SEC24D: variants seen among roughly 807,000 people sequenced by gnomAD.
SEC24D encodes protein transport protein Sec24D.
SEC24D carries 69 observed loss-of-function variants against 116.9 expected under a neutral mutation model. That is an observed-to-expected ratio of 0.59 (90% CI 0.49 to 0.72). The LOEUF is 0.72. Ranked by LOEUF, SEC24D falls within the 30% of genes least tolerant of loss-of-function variation. SEC24D has a pLI of 0.00. For synonymous variants in SEC24D, 405 were observed against 442.8 expected, an observed-to-expected ratio of 0.91 and a Z score of 1.07; for missense variants, 1,131 against 1,264.1, an observed-to-expected ratio of 0.89 and a Z score of 1.60.
chr4:118,776,759 A>T (rs1043404975), intron 8 of SEC24D, among the ~76,000 whole-genome samples: 3 of 152,138 alleles, frequency 2.0e-5, no homozygotes, highest in African/African-American at 7.2e-5. Context: ...TCTATGGGAA[A>T]ATAATATGTT....
At chr4:118,780,907 C>CTTTTTTTTTTT (rs143712578) in intron 8 of SEC24D, among the ~76,000 whole-genome samples, 40 of 61,874 alleles carry the variant, frequency 6.5e-4, no homozygotes, top group East Asian at 2.0e-3. Context: ...GCAACCCCTG[C>CTTTTTTTTTTT]TTTTTTTTTT....
chr4:118,808,810 C>T (rs549215945), intron 6 of SEC24D, among the ~76,000 whole-genome samples: 1 of 151,926 alleles, frequency 6.6e-6, no homozygotes, highest in Admixed American at 6.5e-5. Context: ...ATTCTGGGTT[C>T]ATAAAACAGA....
chr4:118,762,636 CT>C (rs1411230427), intron 10 of SEC24D, among the ~76,000 whole-genome samples: 2 of 152,218 alleles, frequency 1.3e-5, no homozygotes, highest in African/African-American at 4.8e-5. Flanking sequence ...TTTTCATTGT[CT>C]GAATAGCTAA....
Position 118,739,141 on chromosome 4 carries a change from AGT to A in SEC24D, c.2377+6_2377+7del, listed in dbSNP as rs765302205. The A allele has an allele frequency of 1.2e-6, 2 of 1,613,098 alleles. No homozygotes were observed. Among genetic ancestry groups the A allele is most frequent in the Non-Finnish European group, 1.7e-6 (2 of 1,179,392 alleles). On this transcript the variant is annotated splice_donor_region_variant and intron_variant, in intron 18 of 22. Coordinates refer to ENST00000280551, the MANE Select transcript of SEC24D (RefSeq NM_014822.4). The stretch of plus-strand genomic sequence containing the variant: ...GTTTACTGAACCTCAGGATTGGCAA[AGT>A]GTTACCTGACTTGGCAAAGAAGTTG...
At chr4:118,731,051 G>A (rs1435144528) in intron 21 of SEC24D, 22 of 420,594 alleles carry the variant, frequency 5.2e-5, no homozygotes, top group Non-Finnish European at 8.8e-5. Flanking sequence ...AGTATTTAGA[G>A]TACAGAGACT....
rs547861946 is a variant in SEC24D at position 118,783,871 on chromosome 4, C to T, written c.1041+13812G>A. Among the ~76,000 whole-genome samples the T allele has an allele frequency of 2.6e-5, 4 of 152,288 alleles. No individual in the cohort carries two copies. The South Asian group carries it at 6.2e-4, about 24-fold the overall frequency. The stretch of plus-strand genomic sequence containing the variant: ...TTTCAGAGTGGAAAAAAATATAGGG[C>T]TCTAAAGGTCACACAGTTCAATCTG... On this transcript the variant is annotated intron_variant, in intron 8 of 22. Coordinates refer to ENST00000280551, the MANE Select transcript of SEC24D (RefSeq NM_014822.4).
chr4:118,748,904 T>C (rs1355040285), intron 13 of SEC24D, among the ~76,000 whole-genome samples: 1 of 152,162 alleles, frequency 6.6e-6, no homozygotes, highest in East Asian at 1.9e-4. Context: ...TTGTGATGCA[T>C]TCCCCTGCAA....
intron 8 of SEC24D, among the ~76,000 whole-genome samples, chr4:118,791,743 C>G (rs966289092): frequency 6.6e-6 from 1 of 152,198 alleles, no homozygotes; most frequent in East Asian, 1.9e-4. Flanking sequence ...CCGGGCTGGT[C>G]TCCAGCTCCT....
At chr4:118,789,200 A>G (rs1339492343) in intron 8 of SEC24D, among the ~76,000 whole-genome samples, 1 of 152,238 alleles carries the variant, frequency 6.6e-6, no homozygotes, top group Non-Finnish European at 1.5e-5. Context: ...TTCATCATCT[A>G]TAAAAGTGGG....
chr4:118,765,197 A>G (rs1727587578), intron 9 of SEC24D, among the ~76,000 whole-genome samples: 1 of 152,236 alleles, frequency 6.6e-6, no homozygotes, highest in Admixed American at 6.5e-5. Flanking sequence ...AAGTTGTCAC[A>G]ACCCAAATTC....
At chr4:118,737,538 T>C (rs904810241) in intron 19 of SEC24D, among the ~76,000 whole-genome samples, 1 of 152,186 alleles carries the variant, frequency 6.6e-6, no homozygotes, top group Non-Finnish European at 1.5e-5. Flanking sequence ...ATGAATGAAC[T>C]AGAAAGTTTT....
intron 6 of SEC24D, among the ~76,000 whole-genome samples, chr4:118,813,736 A>G (rs1418457809): frequency 6.6e-6 from 1 of 152,240 alleles, no homozygotes; most frequent in Non-Finnish European, 1.5e-5. Flanking sequence ...ACTTGCCAAC[A>G]TATTGATTTT....
chr4:118,743,354 TATACACACAC>T (rs1432376113), intron 15 of SEC24D, among the ~76,000 whole-genome samples: 2 of 115,780 alleles, frequency 1.7e-5, no homozygotes, highest in Middle Eastern at 4.1e-3. Flanking sequence ...TATATATATA[TATACACACAC>T]ACACACACAC....
At chr4:118,822,137 A>G (rs1278190444) in intron 3 of SEC24D, among the ~76,000 whole-genome samples, 1 of 152,246 alleles carries the variant, frequency 6.6e-6, no homozygotes, top group Non-Finnish European at 1.5e-5. Flanking sequence ...TAAGGTGTTG[A>G]GTCCATGGGC....
At chr4:118,780,931 T>C in intron 8 of SEC24D, among the ~76,000 whole-genome samples, 1 of 143,930 alleles carries the variant, frequency 6.9e-6, no homozygotes, top group Admixed American at 6.9e-5. Context: ...TTTTTTTTTT[T>C]TGCTTTCCAT....
intron 22 of SEC24D, 135 bp from the exon 23 acceptor site, chr4:118,723,790 A>G (rs565794377): frequency 2.1e-4 from 196 of 950,772 alleles, no homozygotes; most frequent in Non-Finnish European, 3.0e-4. Flanking sequence ...GGATGATGGG[A>G]AAGTGCCTGA....
At chr4:118,821,839 G>GGGTCC in intron 3 of SEC24D, among the ~76,000 whole-genome samples, 1 of 152,346 alleles carries the variant, frequency 6.6e-6, no homozygotes, top group South Asian at 2.1e-4. Flanking sequence ...GGGCAAGGCA[G>GGGTCC]CATGGTAACC....
At chr4:118,800,821 A>G (rs567063252) in intron 7 of SEC24D, among the ~76,000 whole-genome samples, 1 of 152,356 alleles carries the variant, frequency 6.6e-6, no homozygotes, top group South Asian at 2.1e-4. Flanking sequence ...AAGAGTTAGT[A>G]AGTGGCAAAA....
intron 7 of SEC24D, among the ~76,000 whole-genome samples, chr4:118,801,580 A>G (rs533514280): frequency 2.2e-4 from 33 of 152,364 alleles, no homozygotes; most frequent in Non-Finnish European, 4.9e-4. Flanking sequence ...TATACAGACC[A>G]TGAACTAAGA....
Sources: allele counts gnomAD v4.1 joint callset (sites outside exome capture counted in the v4.1 genomes callset), GRCh38; gene constraint gnomAD v4.1.1; transcripts MANE v1.5; gene names NCBI Gene and HGNC (gene_info 2026-07-23, HGNC 2026-07-21).